Variants in RALGDS observed in about 807,000 individuals in gnomAD.
RALGDS encodes the protein ral guanine nucleotide exchange factor.
In RALGDS, 44 loss-of-function variants were observed where a neutral mutation model predicts 99.8. The ratio of observed to expected loss-of-function variants is 0.44; its 90% CI spans 0.35 to 0.57. RALGDS has a LOEUF of 0.57. RALGDS is among the 20% of genes least tolerant of loss of function. RALGDS has a pLI of 0.01. For missense variants in RALGDS, 1,022 were observed against 1,203.1 expected (o/e 0.85, Z 2.23); for synonymous variants, 529 against 505.0 (o/e 1.05, Z -0.64).
intron 1 of RALGDS, among the ~76,000 whole-genome samples, chr9:133,147,610 G>C (rs759278083): frequency 3.9e-5 from 6 of 152,184 alleles, no homozygotes; most frequent in Non-Finnish European, 7.3e-5. Flanking sequence ...GGTAGAGGCC[G>C]GGGTCCCCCA....
chr9:133,101,905 G>C lies in RALGDS; in HGVS notation c.2211+33C>G, dbSNP rs920363089. On this transcript the variant is annotated intron_variant, in intron 15 of 17. Coordinates refer to ENST00000372050, the MANE Select transcript of RALGDS (RefSeq NM_006266.4). ...GCATGGATTTGGAGTGGGGAGATGG[G>C]AAAGGATATTGGGGAGAAGGGCAGG... 1.1e-5 allele frequency: 17 copies of C among 1,550,836 alleles called. No individual in the cohort carries two copies. In the African/African-American group the frequency reaches 2.1e-4, roughly 19 times the overall value.
chr9:133,120,555 T>C (rs1258591421), intron 1 of RALGDS, among the ~76,000 whole-genome samples: 1 of 151,956 alleles, frequency 6.6e-6, no homozygotes, highest in Non-Finnish European at 1.5e-5. Flanking sequence ...GGATTTGGCC[T>C]TCCCGACCAC....
chr9:133,125,155 A>G (rs1172547998), upstream of RALGDS, among the ~76,000 whole-genome samples: 4 of 152,250 alleles, frequency 2.6e-5, no homozygotes, highest in Non-Finnish European at 5.9e-5. Flanking sequence ...AAAAACAACT[A>G]TAAGACATGT....
At position 133,107,294 on chromosome 9, in the gene RALGDS, A is replaced by C. The variant is rs1216235765; in HGVS notation, c.1204T>G (p.Phe402Val). The C allele has an allele frequency of 6.2e-7, 1 of 1,613,136 alleles. No individual in the cohort carries two copies. Among genetic ancestry groups the C allele is most frequent in the Non-Finnish European group, 8.5e-7 (1 of 1,179,716 alleles). The change falls in exon 7 of 18, where the codon TTC becomes GTC. Residue 402 changes from phenylalanine to valine, a missense_variant. Coordinates refer to ENST00000372050, the MANE Select transcript of RALGDS (RefSeq NM_006266.4). Reference sequence around the variant, plus strand: ...CAGTGGTAGGGCACCACCTTCTTGAACAGTTCCTGGGGAGGAGGCTAAATG... The same window carrying C: ...CAGTGGTAGGGCACCACCTTCTTGACCAGTTCCTGGGGAGGAGGCTAAATG... Reference protein sequence around the residue: ...EQFTLMDAELFKKVVPYHCLG... With the variant: ...EQFTLMDAELVKKVVPYHCLG...
At chr9:133,101,182 G>C (rs1448859444) in intron 16 of RALGDS, 11 of 1,210,018 alleles carry the variant, frequency 9.1e-6, no homozygotes, top group South Asian at 1.7e-5. Context: ...AGAGAAGCCA[G>C]CCATCATTGC....
At position 133,101,576 on chromosome 9, in the gene RALGDS, A is replaced by T; in HGVS notation, c.2398T>A (p.Cys800Ser). The T allele has an allele frequency of 6.2e-7, 1 of 1,612,720 alleles. No homozygotes were observed. The highest frequency in any genetic ancestry group is 8.5e-7 in the Non-Finnish European group (1 of 1,180,034). ...PLYNQQVGDC[C>S]IIRVSLDVDN... ...ACGTCCAGGCTGACGCGGATGATAC[A>T]GCAGTCGCCCACCTGCTGGTTGTAG... Residue 800 changes from cysteine (C) to serine (S), a missense_variant, in exon 16 of 18, where the codon TGT becomes AGT. By Grantham distance (112) the Cys-to-Ser change is moderately radical. Transcript: ENST00000372050.
chr9:133,108,417 A>T lies in RALGDS; in HGVS notation c.779-11T>A. ...GCACTGGTGACAGAGCTGCAAGAGGAGAAAAGTTCAACAACATGCCAGCCT... is the reference window on the plus strand; with the variant it reads ...GCACTGGTGACAGAGCTGCAAGAGGTGAAAAGTTCAACAACATGCCAGCCT... On this transcript the variant is annotated splice_polypyrimidine_tract_variant and intron_variant, in intron 5 of 17. Transcript: ENST00000372050. 1 of 1,534,876 alleles carries T rather than the reference A, an allele frequency of 6.5e-7. No individual in the cohort carries two copies. Among genetic ancestry groups the T allele is most frequent in the Non-Finnish European group, 8.7e-7 (1 of 1,145,776 alleles).
upstream of RALGDS, among the ~76,000 whole-genome samples, chr9:133,121,892 G>A (rs1024887207): frequency 2.0e-5 from 3 of 152,150 alleles, no homozygotes; most frequent in African/African-American, 7.2e-5. Flanking sequence ...TGAGTGTGGG[G>A]CTGTGTGTGC....
At chr9:133,103,578 C>A in intron 11 of RALGDS, 169 bp downstream of exon 11, 1 of 786,562 alleles carries the variant, frequency 1.3e-6, no homozygotes, top group Non-Finnish European at 2.2e-6. Flanking sequence ...GGCTGTGTCC[C>A]ACTCAGCCAA....
rs958347941 is a variant in RALGDS at position 133,098,161 on chromosome 9, G to A, written c.*426C>T. ...TGGTGGGAGGGGCCGGGACCCCTGC[G>A]AAGGTCACAGGCCAGTGCCTGTGGG... On this transcript the variant is annotated 3_prime_UTR_variant, in exon 18 of 18. Transcript: ENST00000372050. 9.9e-6 allele frequency: 3 copies of A among 303,852 alleles called. No individual in the cohort carries two copies. The highest frequency in any genetic ancestry group is 1.3e-5 in the Non-Finnish European group (2 of 159,944). 18.8% of individuals were successfully genotyped at this position (303,852 alleles called of 1,614,324 possible).
chr9:133,101,476 G>A (rs766829589), intron 16 of RALGDS, 44 bp downstream of exon 16: 2 of 1,608,088 alleles, frequency 1.2e-6, no homozygotes, highest in Non-Finnish European at 8.5e-7. Context: ...GGGTGCATTT[G>A]CCGCCAGTGG....
chr9:133,106,890 G>A (rs1831090554), intron 7 of RALGDS, 142 bp from the exon 8 acceptor site: 6 of 907,430 alleles, frequency 6.6e-6, no homozygotes, highest in African/African-American at 1.6e-5. Flanking sequence ...ACCCGGGGGT[G>A]ACAGGAGGAT....
At position 133,121,097 on chromosome 9, in the gene RALGDS, A is replaced by G; in HGVS notation, c.58T>C (p.Phe20Leu). The change falls in exon 1 of 18, where the codon TTT becomes CTT. Residue 20 changes from phenylalanine (F) to leucine (L), a missense_variant. Transcript: ENST00000372050. ...CTGCGGCTCCGCCGGGAGCCCGGAA[A>G]CAGCGGCTCGGCGCCGCCAGCAGGC... ...AGPAGGAEPLFPGSRRSRSVW... is the reference protein window; with the variant it reads ...AGPAGGAEPLLPGSRRSRSVW... 1.4e-6 allele frequency: 2 copies of G among 1,476,004 alleles called. No homozygotes were observed. The highest frequency in any genetic ancestry group is 1.8e-6 in the Non-Finnish European group (2 of 1,119,298). 91.4% of individuals were successfully genotyped at this position (1,476,004 alleles called of 1,614,324 possible). A position where few individuals can be genotyped will look rare whatever the true frequency, so the allele number is the denominator to read the frequency against.
rs1219024764 is a variant in RALGDS at position 133,113,820 on chromosome 9, A to G, written c.184-1668T>C. 2.0e-5 allele frequency among the ~76,000 whole-genome samples: 3 copies of G among 152,310 alleles called. No individual in the cohort carries two copies. In the East Asian group the frequency reaches 5.8e-4, roughly 29 times the overall value. On this transcript the variant is annotated intron_variant, in intron 1 of 17. Transcript: ENST00000372050. ...CAGGGATTTTAGCCACATCTGGACC[A>G]GCTGGGAGGCAGACAGTATCCTGAG...
chr9:133,108,048 C>A lies in RALGDS; in HGVS notation c.1137G>T (p.Lys379Asn). The change falls in exon 6 of 18, where the codon AAG becomes AAT. Residue 379 changes from lysine to asparagine, a missense_variant. Lys to Asn is a moderately conservative substitution (Grantham distance 94). Transcript: ENST00000372050. ...VVAENGLSEE[K>N]PHLLVFPPDL... is the part of the protein sequence containing the mutation. ...CTGGAGGGAACACCAAGAGGTGAGG[C>A]TTCTCCTCACTCAGCCCGTTCTCTG... 6.2e-7 allele frequency: 1 copy of A among 1,613,596 alleles called. No homozygotes were observed. Among genetic ancestry groups the A allele is most frequent in the South Asian group, 1.1e-5 (1 of 91,088 alleles).
rs545664627 is a variant in RALGDS, at chr9:133,100,808, C to T, written c.2455-426G>A. On this transcript the variant is annotated intron_variant, in intron 16 of 17. Coordinates refer to ENST00000372050, the MANE Select transcript of RALGDS (RefSeq NM_006266.4). ...GTGGTCAGCATAGGCCAGGCCCCTGCTACCTTGACCCTGAGGGCCAGAGCA... is the reference window on the plus strand; with the variant it reads ...GTGGTCAGCATAGGCCAGGCCCCTGTTACCTTGACCCTGAGGGCCAGAGCA... 265 of 1,086,018 alleles carry T rather than the reference C, an allele frequency of 2.4e-4. 1 individual carries two copies. The African/African-American group carries it at 4.1e-3, about 17-fold the overall frequency. The allele number at this position is 1,086,018 out of a possible 1,614,324, so 67.3% of individuals were successfully genotyped here.
intron 1 of RALGDS, among the ~76,000 whole-genome samples, chr9:133,120,659 G>A (rs1564245157): frequency 6.6e-6 from 1 of 152,184 alleles, no homozygotes; most frequent in Non-Finnish European, 1.5e-5. Flanking sequence ...ATGTAAACAG[G>A]GACAGTGCCG....
intron 1 of RALGDS, among the ~76,000 whole-genome samples, chr9:133,115,278 C>A (rs1040010204): frequency 6.6e-6 from 1 of 152,206 alleles, no homozygotes; most frequent in African/African-American, 2.4e-5. Context: ...GCTCCAGGAA[C>A]TCACCGGCCC....
Position 133,102,131 on chromosome 9 carries a change from GC to G in RALGDS, c.2017del (p.Ala673ProfsTer147). 6.4e-7 allele frequency: 1 copy of G among 1,566,410 alleles called. No individual in the cohort carries two copies. Among genetic ancestry groups the G allele is most frequent in the Non-Finnish European group, 8.7e-7 (1 of 1,154,328 alleles). On this transcript the variant is annotated frameshift_variant, in exon 15 of 18. Coordinates refer to ENST00000372050, the MANE Select transcript of RALGDS (RefSeq NM_006266.4). LOFTEE classifies it high-confidence loss of function. The part of the protein sequence containing the change: ...AIVKRWSDRQ[A>X]PSTELSTSGS... Reference sequence around the variant, plus strand: ...ACTGGTACTGAGCTCAGTGCTGGGGGCCTGGCGGCTGGGTGAAGAGTTGGCT... The same window carrying G: ...ACTGGTACTGAGCTCAGTGCTGGGGGCTGGCGGCTGGGTGAAGAGTTGGCT...
Sources: allele counts gnomAD v4.1 joint callset (sites outside exome capture counted in the v4.1 genomes callset), GRCh38; gene constraint gnomAD v4.1.1; transcripts MANE v1.5; gene names NCBI Gene and HGNC (gene_info 2026-07-23, HGNC 2026-07-21).